Variants in IFT140 observed in about 807,000 individuals in gnomAD.
IFT140 encodes intraflagellar transport protein 140 homolog.
In IFT140, 133 loss-of-function variants were observed where a neutral mutation model predicts 164.6. The ratio of observed to expected loss-of-function variants is 0.81; its 90% CI spans 0.70 to 0.93. IFT140 has a LOEUF of 0.93. Among genes scored for constraint, IFT140 ranks in the 40% least tolerant of loss-of-function variants. IFT140 has a pLI of 0.00. For synonymous variants in IFT140, 860 were observed against 817.3 expected (o/e 1.05, Z -0.89); for missense variants, 2,045 against 1,972.3 (o/e 1.04, Z -0.70).
intron 19 of IFT140, chr16:1,542,227 C>A: frequency 2.4e-6 from 2 of 823,434 alleles, no homozygotes; most frequent in Non-Finnish European, 3.6e-6. Context: ...CCCCATGGGG[C>A]ATCCTCCCTC....
intron 14 of IFT140, among the ~76,000 whole-genome samples, chr16:1,570,548 C>T (rs1006549129): frequency 1.3e-5 from 2 of 152,170 alleles, no homozygotes; most frequent in Non-Finnish European, 2.9e-5. Context: ...CTCATCCCAA[C>T]CCCTGTGGGG....
chr16:1,607,400 G>A (rs1596471118), intron 2 of IFT140, 103 bp from the exon 3 acceptor site: 2 of 1,043,194 alleles, frequency 1.9e-6, no homozygotes, highest in Non-Finnish European at 2.7e-6. Flanking sequence ...AGCCACCATC[G>A]GAAGACCATC....
At chr16:1,554,236 A>G (rs950781760) in intron 19 of IFT140, 25 of 752,054 alleles carry the variant, frequency 3.3e-5, no homozygotes, top group Non-Finnish European at 4.7e-5. Context: ...AAAGGCCAAG[A>G]GCAAGAAAAC....
chr16:1,552,307 C>G (rs2032716682), intron 19 of IFT140, among the ~76,000 whole-genome samples: 1 of 152,152 alleles, frequency 6.6e-6, no homozygotes, highest in Non-Finnish European at 1.5e-5. Flanking sequence ...GGGACTCTCC[C>G]CAAGGCTCCC....
intron 13 of IFT140, 130 bp downstream of exon 13, chr16:1,580,629 A>G (rs2034506357): frequency 1.6e-6 from 1 of 619,164 alleles, no homozygotes; most frequent in Non-Finnish European, 2.9e-6. Context: ...ACCCGGTCTC[A>G]GGTAGTTCTT....
intron 19 of IFT140, among the ~76,000 whole-genome samples, chr16:1,537,171 T>C (rs2031157444): frequency 6.6e-6 from 1 of 151,800 alleles, no homozygotes; most frequent in South Asian, 2.1e-4. Context: ...CAGTCTAGGG[T>C]CGGGGTGGGG....
At chr16:1,511,481 T>C (rs1156449013) in intron 30 of IFT140, among the ~76,000 whole-genome samples, 1 of 152,162 alleles carries the variant, frequency 6.6e-6, no homozygotes, top group Non-Finnish European at 1.5e-5. Flanking sequence ...CAGAGCCTCC[T>C]GGGGAGGCAG....
intron 24 of IFT140, 43 bp from the exon 25 acceptor site, chr16:1,523,999 TTCCCCAGG>T: frequency 6.3e-7 from 1 of 1,597,278 alleles, no homozygotes; most frequent in Non-Finnish European, 8.5e-7. Context: ...TCCCACTGGC[TTCCCCAGG>T]TCCGCTGAGA....
At chr16:1,569,098 G>A (rs2458032) in intron 14 of IFT140, among the ~76,000 whole-genome samples, 2 of 147,938 alleles carry the variant, frequency 1.4e-5, no homozygotes, top group African/African-American at 2.5e-5. Context: ...TCCGCCTCCC[G>A]GGTTCACGCC....
chr16:1,560,385 G>C lies in IFT140; in HGVS notation c.2199+1600C>G, dbSNP rs983766784. 5.3e-5 allele frequency among the ~76,000 whole-genome samples: 8 copies of C among 152,230 alleles called. No homozygotes were observed. In the South Asian group the frequency reaches 8.3e-4, roughly 16 times the overall value. On this transcript the variant is annotated intron_variant, in intron 18 of 30. Transcript: ENST00000426508. Reference sequence around the variant, plus strand: ...GCCAACCGCACCCAGGTTCGCGTTTGTGTGAATGCTGTTAATTCATCACTG... The same window carrying C: ...GCCAACCGCACCCAGGTTCGCGTTTCTGTGAATGCTGTTAATTCATCACTG...
rs768971224 is a variant in IFT140, at chr16:1,526,666, C to G, written c.2530G>C (p.Glu844Gln). 96 of 1,597,332 alleles carry G rather than the reference C, an allele frequency of 6.0e-5. No homozygotes were observed. Among genetic ancestry groups the G allele is most frequent in the Middle Eastern group, 1.7e-4 (1 of 5,774 alleles). Reference protein sequence around the residue: ...RALREAEQEPELEARVAVLAT... With the variant: ...RALREAEQEPQLEARVAVLAT... ...AGCACGGCCACGCGGGCCTCTAGCTCCGGCTCCTGCTCCGCCTCACGCAGC... is the reference window on the plus strand; with the variant it reads ...AGCACGGCCACGCGGGCCTCTAGCTGCGGCTCCTGCTCCGCCTCACGCAGC... The change falls in exon 20 of 31, where the codon GAG (glutamate) becomes CAG (glutamine). Residue 844 changes from glutamate to glutamine, a missense_variant. Glu to Gln is a conservative substitution (Grantham distance 29). Coordinates refer to ENST00000426508, the MANE Select transcript of IFT140 (RefSeq NM_014714.4).
chr16:1,511,492 A>G (rs1002810790), intron 30 of IFT140, among the ~76,000 whole-genome samples: 5 of 152,134 alleles, frequency 3.3e-5, no homozygotes, highest in Admixed American at 6.5e-5. Flanking sequence ...GGGGAGGCAG[A>G]GGCCCCGCGT....
intron 4 of IFT140, among the ~76,000 whole-genome samples, chr16:1,599,974 G>C (rs1318653077): frequency 5.3e-4 from 75 of 142,404 alleles, no homozygotes; most frequent in Non-Finnish European, 5.0e-4. Context: ...CATTGAGAAC[G>C]GGCCAGGATG....
chr16:1,576,617 T>A (rs2034293372), intron 13 of IFT140: 1 of 151,230 alleles, frequency 6.6e-6, no homozygotes, highest in African/African-American at 2.4e-5. Flanking sequence ...AAATTTTGAC[T>A]TTTTTTTGGA....
At chr16:1,607,455 G>A (rs145521254) in intron 2 of IFT140, among the ~76,000 whole-genome samples, 158 bp from the exon 3 acceptor site, 222 of 152,310 alleles carry the variant, frequency 1.5e-3, no homozygotes, top group African/African-American at 4.9e-3. Context: ...AACCTGATGC[G>A]AGGAGATCTC....
rs747510464 is a variant in IFT140, at chr16:1,583,377, C to A, written c.1369G>T (p.Ala457Ser). 1 of 1,613,964 alleles carries A rather than the reference C, an allele frequency of 6.2e-7. No individual in the cohort carries two copies. The highest frequency in any genetic ancestry group is 8.5e-7 in the Non-Finnish European group (1 of 1,179,920). Residue 457 changes from alanine (A) to serine (S), a missense_variant, in exon 12 of 31, where the codon GCA becomes TCA. By Grantham distance (99) the Ala-to-Ser change is moderately conservative (BLOSUM62 1). Transcript: ENST00000426508. ...SGVFATKDAV[A>S]VWNGRQVAIF... ...GCCACCTGCCTTCCGTTCCAGACTG[C>A]GACAGCATCCTGAAAAGAACCACGG...
At chr16:1,543,072 G>C (rs1287103972) in intron 19 of IFT140, among the ~76,000 whole-genome samples, 1 of 152,224 alleles carries the variant, frequency 6.6e-6, no homozygotes, top group Non-Finnish European at 1.5e-5. Context: ...ATCTGGGGCA[G>C]GCTCAGGTCT....
At chr16:1,557,008 G>A (rs376535854) in intron 19 of IFT140, among the ~76,000 whole-genome samples, 3 of 151,920 alleles carry the variant, frequency 2.0e-5, no homozygotes, top group East Asian at 1.9e-4. Flanking sequence ...ATGGGGGGGC[G>A]GTTCTCCATG....
At chr16:1,601,049 C>T (rs991874648) in intron 4 of IFT140, among the ~76,000 whole-genome samples, 6 of 152,060 alleles carry the variant, frequency 3.9e-5, no homozygotes, top group East Asian at 1.9e-4. Flanking sequence ...GATCTCTTGA[C>T]GTCAGCAGCT....
Sources: allele counts gnomAD v4.1 joint callset (sites outside exome capture counted in the v4.1 genomes callset), GRCh38; gene constraint gnomAD v4.1.1; transcripts MANE v1.5; gene names NCBI Gene and HGNC (gene_info 2026-07-23, HGNC 2026-07-21).